Variants in ARHGAP10 observed in about 807,000 individuals in gnomAD.
The protein encoded by ARHGAP10 is Rho GTPase activating protein 10, also known as rho GTPase-activating protein 10.
Under a neutral mutation model 108.6 loss-of-function variants are expected in ARHGAP10, and 87 were observed. That is an observed-to-expected ratio of 0.80 (90% CI 0.67 to 0.96). The LOEUF (loss-of-function observed/expected upper bound fraction) is 0.96. Ranked by LOEUF, ARHGAP10 falls within the 40% of genes least tolerant of loss-of-function variation. The pLI, the probability that ARHGAP10 is intolerant of heterozygous loss-of-function variation, is 0.00. For missense variants in ARHGAP10, 939 were observed against 954.5 expected, an observed-to-expected ratio of 0.98 and a Z score of 0.21; for synonymous variants, 347 against 341.1, an observed-to-expected ratio of 1.02 and a Z score of -0.19.
chr4:147,905,349 G>T (rs936674989), intron 10 of ARHGAP10, among the ~76,000 whole-genome samples: 1 of 145,242 alleles, frequency 6.9e-6, no homozygotes, highest in Non-Finnish European at 1.5e-5. Context: ...TTTCTTCTAG[G>T]GTTTTTATGG....
In ARHGAP10 at chr4:147,881,931, C is replaced by T. The variant is rs779961144; in HGVS notation, c.1033C>T (p.Arg345Trp). The change falls in exon 10 of 23, where the codon CGG becomes TGG. Residue 345 changes from arginine to tryptophan, a missense_variant and splice_region_variant. Coordinates refer to ENST00000336498, the MANE Select transcript of ARHGAP10 (RefSeq NM_024605.4). ...RFCFDIEAAD[R>W]PGVSLTMQAF... ...TTGTTTTGACATAGAAGCTGCTGAT[C>T]GGTAAGTTATTGGAATTATTGGACA... 4.9e-5 allele frequency: 79 copies of T among 1,613,246 alleles called. No homozygotes were observed. In the East Asian group the frequency reaches 1.3e-3, roughly 27 times the overall value.
At chr4:147,877,025 A>G (rs574663201) in intron 8 of ARHGAP10, among the ~76,000 whole-genome samples, 2 of 152,358 alleles carry the variant, frequency 1.3e-5, no homozygotes, top group East Asian at 3.9e-4. Flanking sequence ...GTGAAAGAGC[A>G]TCATTAGTGT....
Position 147,911,722 on chromosome 4 carries a change from CT to C in ARHGAP10, c.1163-1351del, listed in dbSNP as rs370308753. 2.2e-4 allele frequency among the ~76,000 whole-genome samples: 33 copies of C among 151,834 alleles called. No individual in the cohort carries two copies. In the South Asian group the frequency reaches 6.7e-3, roughly 31 times the overall value. On this transcript the variant is annotated intron_variant, in intron 12 of 22. Transcript: ENST00000336498. ...ATTAAGGATATACAGATATGCCAGC[CT>C]AATCATAGATAAGCATCTATATTAG...
chr4:147,883,113 A>C lies in ARHGAP10; in HGVS notation c.1034+1181A>C, dbSNP rs529650985. Among the ~76,000 whole-genome samples the C allele has an allele frequency of 8.5e-5, 13 of 152,368 alleles. No individual in the cohort carries two copies. In the East Asian group the frequency reaches 2.5e-3, roughly 29 times the overall value. On this transcript the variant is annotated intron_variant, in intron 10 of 22. Coordinates refer to ENST00000336498, the MANE Select transcript of ARHGAP10 (RefSeq NM_024605.4). ...GTTCACTTTGTAATAAATGAATTGA[A>C]GACCATTTATTGTACATAAAAACAG...
intron 1 of ARHGAP10, among the ~76,000 whole-genome samples, chr4:147,814,245 T>G (rs1279834305): frequency 6.6e-6 from 1 of 152,130 alleles, no homozygotes; most frequent in Non-Finnish European, 1.5e-5. Flanking sequence ...TCGTGGCTTG[T>G]CTTGGATCAC....
chr4:148,032,577 G>C (rs1728200856), intron 19 of ARHGAP10, among the ~76,000 whole-genome samples: 1 of 151,958 alleles, frequency 6.6e-6, no homozygotes, highest in Admixed American at 6.6e-5. Context: ...TTATATATAA[G>C]TGTATTAGGG....
chr4:148,022,975 C>T (rs1000149775), intron 18 of ARHGAP10: 42 of 254,700 alleles, frequency 1.6e-4, no homozygotes, highest in Non-Finnish European at 1.5e-5. Context: ...GTGGTACTGT[C>T]TATATCTGCT....
intron 18 of ARHGAP10, among the ~76,000 whole-genome samples, chr4:148,003,541 G>T (rs961090637): frequency 1.3e-5 from 2 of 152,180 alleles, no homozygotes; most frequent in South Asian, 2.1e-4. Flanking sequence ...TATTGTGTGG[G>T]AGTCTAAGTC....
intron 10 of ARHGAP10, among the ~76,000 whole-genome samples, chr4:147,903,051 C>T (rs1366851979): frequency 6.6e-6 from 1 of 152,078 alleles, no homozygotes; most frequent in Non-Finnish European, 1.5e-5. Flanking sequence ...GCCCCTTCTC[C>T]AACTTTGGGA....
At chr4:147,830,302 A>G (rs1732897506) in intron 3 of ARHGAP10, among the ~76,000 whole-genome samples, 1 of 152,068 alleles carries the variant, frequency 6.6e-6, no homozygotes, top group Non-Finnish European at 1.5e-5. Flanking sequence ...TAGCATTTAG[A>G]TGGTCGGTCA....
At chr4:147,736,120 C>CTG (rs10644088) in intron 1 of ARHGAP10, among the ~76,000 whole-genome samples, 16,172 of 144,604 alleles carry the variant, frequency 0.11, 948 homozygotes, top group African/African-American at 0.17. Context: ...AATTGTCTAG[C>CTG]TGTGTGTGTG....
At position 147,879,307 on chromosome 4, in the gene ARHGAP10, T is replaced by A; in HGVS notation, c.908T>A (p.Ile303Asn). 2 of 1,614,046 alleles carry A rather than the reference T, an allele frequency of 1.2e-6. No individual in the cohort carries two copies. The highest frequency in any genetic ancestry group is 1.7e-6 in the Non-Finnish European group (2 of 1,179,940). ...YRKAAKKFNM[I>N]PFEHRSGGKL... ...AAAGCAGCAAAGAAGTTCAACATGA[T>A]CCCATTTGAGCACAGATCTGGAGGG... The change falls in exon 9 of 23, where the codon ATC (isoleucine) becomes AAC (asparagine). Residue 303 changes from isoleucine to asparagine, a missense_variant. Transcript: ENST00000336498.
chr4:147,839,150 GTCTGTCTA>G lies in ARHGAP10; in HGVS notation c.313-7999_313-7992del, dbSNP rs375472970. On this transcript the variant is annotated intron_variant, in intron 3 of 22. Transcript: ENST00000336498. ...TATCTATCTATCTATCTATCTGTCT[GTCTGTCTA>G]TGTATATATAAAGTTTCTAGGCACC... 4.7e-3 allele frequency among the ~76,000 whole-genome samples: 703 copies of G among 149,712 alleles called. 10 individuals carry two copies. The highest frequency in any genetic ancestry group is 0.044 in the South Asian group (211 of 4,762).
At chr4:147,848,066 T>TCC (rs1369361195) in intron 4 of ARHGAP10, among the ~76,000 whole-genome samples, 4 of 147,986 alleles carry the variant, frequency 2.7e-5, no homozygotes. Flanking sequence ...TGTATTTTTT[T>TCC]CCCCCCACGT....
chr4:147,751,049 C>T lies in ARHGAP10; in HGVS notation c.154+18594C>T, dbSNP rs545426239. Reference sequence around the variant, plus strand: ...TAAAAATTAGCCGGGTGTGATGGTGCGTGCCTATAGTCCCATCTACGTGGG... The same window carrying T: ...TAAAAATTAGCCGGGTGTGATGGTGTGTGCCTATAGTCCCATCTACGTGGG... On this transcript the variant is annotated intron_variant, in intron 1 of 22. Coordinates refer to ENST00000336498, the MANE Select transcript of ARHGAP10 (RefSeq NM_024605.4). Among the ~76,000 whole-genome samples, 101 of 151,696 alleles carry T rather than the reference C, an allele frequency of 6.7e-4. No homozygotes were observed. The South Asian group carries it at 8.0e-3, about 12-fold the overall frequency.
At chr4:147,799,149 C>T (rs1472271209) in intron 1 of ARHGAP10, among the ~76,000 whole-genome samples, 4 of 151,974 alleles carry the variant, frequency 2.6e-5, no homozygotes, top group African/African-American at 4.8e-5. Context: ...ATTCTCCTGC[C>T]TCAGTCTCCT....
chr4:148,049,530 C>G (rs940731268), intron 20 of ARHGAP10, among the ~76,000 whole-genome samples: 2 of 152,062 alleles, frequency 1.3e-5, no homozygotes, highest in East Asian at 1.9e-4. Context: ...TGCTTTTTTG[C>G]TCAAGCCAAT....
chr4:147,996,311 A>G (rs955189674), intron 18 of ARHGAP10, among the ~76,000 whole-genome samples: 1 of 152,266 alleles, frequency 6.6e-6, no homozygotes, highest in Non-Finnish European at 1.5e-5. Context: ...TGGAAACTAA[A>G]TAAAAAATGA....
At chr4:147,981,073 G>T (rs1739790375) in intron 18 of ARHGAP10, among the ~76,000 whole-genome samples, 1 of 151,926 alleles carries the variant, frequency 6.6e-6, no homozygotes, top group Non-Finnish European at 1.5e-5. Context: ...ATTTAGTTCT[G>T]CTCTGATTTT....
Sources: gnomAD v4.1 joint callset for allele counts (sites outside exome capture counted in the v4.1 genomes callset) on GRCh38, gnomAD v4.1.1 for gene constraint, MANE v1.5 for transcripts, NCBI Gene and HGNC (gene_info 2026-07-23, HGNC 2026-07-21) for gene names.